The following PLAC1 variants were observed in gnomAD, a reference collection of about 807,000 sequenced individuals.
The protein encoded by PLAC1 is placenta-specific protein 1.
For missense variants in PLAC1, 136 were observed against 163.2 expected (o/e 0.83, Z 0.91); for synonymous variants, 68 against 62.1 (o/e 1.09, Z -0.44).
At chrX:134,660,688 T>C (rs1294992988), upstream of PLAC1, among the ~76,000 whole-genome samples, 2 of 111,648 alleles carry the variant, frequency 1.8e-5, no homozygotes, top group Non-Finnish European at 3.8e-5. Flanking sequence ...TTCCAGTAAG[T>C]GTCCAGTTGG....
At chrX:134,694,832 A>G (rs1331701487) in intron 2 of PLAC1, among the ~76,000 whole-genome samples, 6 of 111,893 alleles carry the variant, frequency 5.4e-5, no homozygotes, top group Non-Finnish European at 1.1e-4. Context: ...GGAATTGACC[A>G]AATGTGAGAT....
At chrX:134,658,806 C>T (rs1437937665), upstream of PLAC1, among the ~76,000 whole-genome samples, 1 of 111,979 alleles carries the variant, frequency 8.9e-6, no homozygotes, top group Admixed American at 9.5e-5. Flanking sequence ...AAGCAGTGAG[C>T]TGGCCACTTG....
At chrX:134,698,622 A>T (rs2078572771) in intron 2 of PLAC1, among the ~76,000 whole-genome samples, 2 of 110,976 alleles carry the variant, frequency 1.8e-5, no homozygotes, top group Admixed American at 1.9e-4. Context: ...TCCATGTTAA[A>T]GTATTCCAAG....
intron 1 of PLAC1, among the ~76,000 whole-genome samples, chrX:134,637,345 A>G (rs2078288110): frequency 9.0e-6 from 1 of 110,759 alleles, no homozygotes; most frequent in Non-Finnish European, 1.9e-5. Context: ...CAACTGTTCC[A>G]CCTCCCTTGT....
At chrX:134,740,156 A>G (rs1395048224) in intron 1 of PLAC1, among the ~76,000 whole-genome samples, 6 of 110,139 alleles carry the variant, frequency 5.4e-5, no homozygotes, top group Non-Finnish European at 1.1e-4. Flanking sequence ...CGTCTCTACT[A>G]AAAATACAAA....
intron 2 of PLAC1, among the ~76,000 whole-genome samples, chrX:134,702,513 G>A (rs138809503): frequency 2.6e-3 from 286 of 111,908 alleles, no homozygotes; most frequent in East Asian, 0.016. Context: ...ACCAAAAACC[G>A]CATGTTCTCA....
At chrX:134,656,937 T>A (rs984849228) in intron 1 of PLAC1, among the ~76,000 whole-genome samples, 1 of 111,808 alleles carries the variant, frequency 8.9e-6, no homozygotes, top group Non-Finnish European at 1.9e-5. Flanking sequence ...TATCTGCTCA[T>A]TTGGATGGCC....
intron 1 of PLAC1, among the ~76,000 whole-genome samples, chrX:134,622,805 T>C (rs1244880900): frequency 1.8e-5 from 2 of 112,115 alleles, no homozygotes; most frequent in Non-Finnish European, 3.8e-5. Context: ...TTGGATATGA[T>C]GACCTCTAAG....
intron 1 of PLAC1, among the ~76,000 whole-genome samples, chrX:134,753,558 C>T (rs2078749639): frequency 9.1e-6 from 1 of 110,181 alleles, no homozygotes; most frequent in Non-Finnish European, 1.9e-5. Context: ...ACTTCTCCAG[C>T]ACTATAACTA....
chrX:134,618,254 T>C (rs1179508253), intron 1 of PLAC1, among the ~76,000 whole-genome samples: 1 of 112,274 alleles, frequency 8.9e-6, no homozygotes, highest in African/African-American at 3.2e-5. Context: ...CCACTGAGCA[T>C]GGCCCCGGGC....
intron 1 of PLAC1, among the ~76,000 whole-genome samples, chrX:134,612,170 G>A (rs1252828144): frequency 8.9e-6 from 1 of 111,850 alleles, no homozygotes; most frequent in Non-Finnish European, 1.9e-5. Context: ...GTTCTCACAA[G>A]GATGTTTTGC....
chrX:134,609,022 G>A (rs182623856), intron 1 of PLAC1, among the ~76,000 whole-genome samples: 1 of 110,520 alleles, frequency 9.0e-6, no homozygotes, highest in East Asian at 2.8e-4. Context: ...ACCCAGGCTG[G>A]AGTGCAGTGG....
intron 2 of PLAC1, among the ~76,000 whole-genome samples, chrX:134,567,116 T>C (rs957869692): frequency 8.0e-5 from 9 of 112,230 alleles, no homozygotes; most frequent in Non-Finnish European, 1.5e-4. Flanking sequence ...TGGCAATACT[T>C]CCCTCTTTAG....
chrX:134,586,913 C>G (rs2078005543), intron 2 of PLAC1, among the ~76,000 whole-genome samples: 1 of 104,288 alleles, frequency 9.6e-6, no homozygotes, highest in Non-Finnish European at 2.0e-5. Flanking sequence ...GCCAGGCTGG[C>G]CTCGAACTCC....
intron 1 of PLAC1, among the ~76,000 whole-genome samples, chrX:134,644,888 C>T (rs1569396232): frequency 9.0e-6 from 1 of 111,675 alleles, no homozygotes; most frequent in Non-Finnish European, 1.9e-5. Flanking sequence ...CAATGGATAT[C>T]CTCCAGTCCC....
rs1438956297 is a variant in PLAC1, at chrX:134,580,611, G to C, written c.-58-13871C>G. Among the ~76,000 whole-genome samples, 3 of 111,685 alleles carry C rather than the reference G, an allele frequency of 2.7e-5. 1 individual carries two copies. In the Admixed American group the frequency reaches 2.9e-4, roughly 11 times the overall value. ...GGTTGTTTATGGGTATCAGAGTCTA[G>C]GGTGGTGGAGAGGTGGGGAAGTTAA... On this transcript the variant is annotated intron_variant, in intron 2 of 2. Transcript: ENST00000359237.
At chrX:134,654,753 G>T (rs2078380840) in intron 1 of PLAC1, among the ~76,000 whole-genome samples, 1 of 112,283 alleles carries the variant, frequency 8.9e-6, no homozygotes, top group Non-Finnish European at 1.9e-5. Context: ...AAAGCAGGCT[G>T]CTGCCATTAC....
chrX:134,641,034 G>A (rs1055000194), intron 1 of PLAC1, among the ~76,000 whole-genome samples: 18 of 111,738 alleles, frequency 1.6e-4, no homozygotes, highest in African/African-American at 5.2e-4. Context: ...ATTGATTGAG[G>A]CCAAGAGTTT....
chrX:134,671,631 C>T (rs1344623713), intron 2 of PLAC1, among the ~76,000 whole-genome samples: 1 of 109,610 alleles, frequency 9.1e-6, no homozygotes, highest in Non-Finnish European at 1.9e-5. Context: ...GGGAAAGTGC[C>T]ACACACTTTT....
Sources: gnomAD v4.1 joint callset for allele counts (sites outside exome capture counted in the v4.1 genomes callset) on GRCh38, gnomAD v4.1.1 for gene constraint, MANE v1.5 for transcripts, NCBI Gene and HGNC (gene_info 2026-07-23, HGNC 2026-07-21) for gene names.